SLC35F4: variants seen among roughly 807,000 people sequenced by gnomAD.
The protein encoded by SLC35F4 is chromosome 14 open reading frame 36.
SLC35F4 carries 24 observed loss-of-function variants against 44.2 expected under a neutral mutation model. The ratio of observed to expected loss-of-function variants is 0.54; its 90% CI spans 0.39 to 0.76. The LOEUF is 0.76. Among genes scored for constraint, SLC35F4 ranks in the 30% least tolerant of loss-of-function variants. SLC35F4 has a pLI of 0.00. For missense variants in SLC35F4, 562 were observed against 586.1 expected (o/e 0.96, Z 0.42); for synonymous variants, 238 against 223.6 (o/e 1.06, Z -0.57).
At chr14:57,678,853 C>A (rs1365715285) in intron 1 of SLC35F4, among the ~76,000 whole-genome samples, 1 of 152,004 alleles carries the variant, frequency 6.6e-6, no homozygotes, top group Non-Finnish European at 1.5e-5. Context: ...GCACCCAATA[C>A]AGGAGCACCC....
chr14:57,729,153 C>T (rs1383543729), intron 1 of SLC35F4, among the ~76,000 whole-genome samples: 1 of 152,146 alleles, frequency 6.6e-6, no homozygotes, highest in African/African-American at 2.4e-5. Flanking sequence ...GCTAAACCTG[C>T]TTGGTGTTCT....
chr14:57,933,520 C>T (rs1889739950), intron 1 of SLC35F4, among the ~76,000 whole-genome samples: 1 of 152,140 alleles, frequency 6.6e-6, no homozygotes, highest in African/African-American at 2.4e-5. Context: ...TGCTTCTTCT[C>T]TTATTGAAAA....
upstream of SLC35F4, among the ~76,000 whole-genome samples, chr14:57,868,788 T>C (rs1888236153): frequency 6.6e-6 from 1 of 152,184 alleles, no homozygotes; most frequent in Non-Finnish European, 1.5e-5. Flanking sequence ...TTTTAAAGCA[T>C]TTTTATGTTT....
At chr14:57,724,693 A>G (rs1461754535) in intron 1 of SLC35F4, among the ~76,000 whole-genome samples, 1 of 152,128 alleles carries the variant, frequency 6.6e-6, no homozygotes, top group Non-Finnish European at 1.5e-5. Context: ...GGAGTTCCCT[A>G]TGGTCAGTTG....
At chr14:57,805,631 T>G (rs921127250) in intron 1 of SLC35F4, among the ~76,000 whole-genome samples, 1 of 150,534 alleles carries the variant, frequency 6.6e-6, no homozygotes. Flanking sequence ...GAGTGGGGAG[T>G]AGGGGGAGAG....
chr14:57,973,015 G>T (rs1359999833), downstream of SLC35F4, among the ~76,000 whole-genome samples: 1 of 152,142 alleles, frequency 6.6e-6, no homozygotes, highest in Non-Finnish European at 1.5e-5. Flanking sequence ...TCTGCAATAG[G>T]TACTAATATT....
At chr14:57,612,565 CT>C (rs1479938232) in intron 1 of SLC35F4, among the ~76,000 whole-genome samples, 1 of 152,200 alleles carries the variant, frequency 6.6e-6, no homozygotes, top group East Asian at 1.9e-4. Context: ...ATTTTTCTTC[CT>C]GGCTGTCAGC....
At chr14:57,592,365 G>A (rs557000703) in intron 2 of SLC35F4, among the ~76,000 whole-genome samples, 12 of 152,336 alleles carry the variant, frequency 7.9e-5, no homozygotes, top group East Asian at 1.9e-4. Flanking sequence ...ATCATGGTGA[G>A]CTTCTTTTCA....
chr14:57,858,416 A>C (rs1347779465), intron 1 of SLC35F4, among the ~76,000 whole-genome samples: 1 of 152,016 alleles, frequency 6.6e-6, no homozygotes, highest in Admixed American at 6.5e-5. Context: ...CATTCTCAGC[A>C]AACTATCGCA....
intron 1 of SLC35F4, among the ~76,000 whole-genome samples, chr14:57,664,754 A>C (rs2074251844): frequency 6.6e-6 from 1 of 152,190 alleles, no homozygotes; most frequent in Admixed American, 6.5e-5. Context: ...AATGAACATC[A>C]TGCTTCCGTC....
intron 1 of SLC35F4, among the ~76,000 whole-genome samples, chr14:57,777,682 T>C (rs982074838): frequency 6.6e-6 from 1 of 151,916 alleles, no homozygotes; most frequent in Non-Finnish European, 1.5e-5. Context: ...CTAATGTAAA[T>C]GACGAGTTGA....
rs555387767 is a variant in SLC35F4 at position 57,840,338 on chromosome 14, C to T, written c.103+25385G>A. On this transcript the variant is annotated intron_variant, in intron 1 of 7. Coordinates refer to ENST00000556826, the MANE Select transcript of SLC35F4 (RefSeq NM_001306087.2). ...CACAAATAGCATAAACTAATACTCA[C>T]AGACTTTAAAGTAATGGCATATTGA... is the stretch of plus-strand genomic sequence containing the variant. Among the ~76,000 whole-genome samples, 14 of 152,308 alleles carry T rather than the reference C, an allele frequency of 9.2e-5. No individual in the cohort carries two copies. The South Asian group carries it at 2.9e-3, about 32-fold the overall frequency.
chr14:57,616,982 G>A (rs1015176813), intron 1 of SLC35F4, among the ~76,000 whole-genome samples: 3 of 151,950 alleles, frequency 2.0e-5, no homozygotes, highest in African/African-American at 7.3e-5. Flanking sequence ...TTATGAAAAT[G>A]TGGTTTTCTG....
intron 1 of SLC35F4, among the ~76,000 whole-genome samples, chr14:57,700,569 A>G (rs1330403829): frequency 6.6e-6 from 1 of 152,128 alleles, no homozygotes; most frequent in African/African-American, 2.4e-5. Flanking sequence ...TGACTCTTTT[A>G]TAATGCTTAG....
chr14:57,944,750 A>AGAAG (rs1491173307), intron 1 of SLC35F4, among the ~76,000 whole-genome samples: 4 of 146,260 alleles, frequency 2.7e-5, no homozygotes, highest in East Asian at 2.0e-4. Context: ...AAAGAAAGAA[A>AGAAG]GAAGAAAGGA....
intron 1 of SLC35F4, among the ~76,000 whole-genome samples, chr14:57,883,277 A>G (rs1214131480): frequency 6.6e-6 from 1 of 152,234 alleles, no homozygotes; most frequent in East Asian, 1.9e-4. Context: ...AAGAGCCAAT[A>G]GATTCAAGAT....
intron 1 of SLC35F4, among the ~76,000 whole-genome samples, chr14:57,668,719 T>C (rs149916865): frequency 0.026 from 3,907 of 152,134 alleles, 184 homozygotes; most frequent in African/African-American, 0.088. Flanking sequence ...TACCATGCTG[T>C]TTGGTTACTG....
At chr14:57,792,965 T>A (rs2077963937) in intron 1 of SLC35F4, among the ~76,000 whole-genome samples, 2 of 152,100 alleles carry the variant, frequency 1.3e-5, no homozygotes, top group African/African-American at 4.8e-5. Flanking sequence ...TGTATTTTAT[T>A]AAAATGGAAT....
At chr14:57,806,697 T>G (rs1022738003) in intron 1 of SLC35F4, among the ~76,000 whole-genome samples, 7 of 152,196 alleles carry the variant, frequency 4.6e-5, no homozygotes, top group African/African-American at 1.7e-4. Context: ...ACTCTCCGAT[T>G]TATGAATGTT....
Sources: gnomAD v4.1 joint callset for allele counts (sites outside exome capture counted in the v4.1 genomes callset) on GRCh38, gnomAD v4.1.1 for gene constraint, MANE v1.5 for transcripts, NCBI Gene and HGNC (gene_info 2026-07-23, HGNC 2026-07-21) for gene names.